Variants in RGS11 observed in about 807,000 individuals in gnomAD.
RGS11 encodes the protein regulator of G protein signaling 11.
RGS11 carries 86 observed loss-of-function variants against 71.1 expected under a neutral mutation model. That is an observed-to-expected ratio of 1.21 (90% CI 1.02 to 1.45). The LOEUF is 1.45. Ranked by LOEUF, RGS11 falls within the 40% of genes most tolerant of loss-of-function variation. The pLI, the probability that RGS11 is intolerant of heterozygous loss-of-function variation, is 0.00. For synonymous variants in RGS11, 298 were observed against 254.2 expected, an observed-to-expected ratio of 1.17 and a Z score of -1.64; for missense variants, 734 against 635.1, an observed-to-expected ratio of 1.16 and a Z score of -1.67.
At position 269,220 on chromosome 16, in the gene RGS11, C is replaced by T. The variant is rs116377490; in HGVS notation, c.*49G>A. The T allele has an allele frequency of 6.1e-3, 8,120 of 1,336,854 alleles. 107 individuals carry two copies. Among genetic ancestry groups the T allele is most frequent in the African/African-American group, 0.046 (3,161 of 68,956 alleles). The allele number at this position is 1,336,854 out of a possible 1,614,324, so 82.8% of individuals were successfully genotyped here. A position where few individuals can be genotyped will look rare whatever the true frequency, so the allele number is the denominator to read the frequency against. On this transcript the variant is annotated 3_prime_UTR_variant, in exon 17 of 17. Coordinates refer to ENST00000397770, the MANE Select transcript of RGS11 (RefSeq NM_183337.3). ...AAGACGGGGGTGGCTGCTGCATTCA[C>T]GCAGGACGTTGAGCTGCAGGGACTA...
intron 9 of RGS11, 31 bp downstream of exon 9, chr16:272,832 G>C: frequency 6.5e-7 from 1 of 1,539,734 alleles, no homozygotes; most frequent in East Asian, 2.4e-5. Flanking sequence ...TGCAGGGTGA[G>C]AGGGCGGCCA....
Position 274,282 on chromosome 16 carries a change from A to G in RGS11, c.319-17T>C. 1 of 1,606,514 alleles carries G rather than the reference A, an allele frequency of 6.2e-7. No homozygotes were observed. Among genetic ancestry groups the G allele is most frequent in the Non-Finnish European group, 8.5e-7 (1 of 1,176,918 alleles). On this transcript the variant is annotated splice_polypyrimidine_tract_variant and intron_variant, in intron 4 of 16. Coordinates refer to ENST00000397770, the MANE Select transcript of RGS11 (RefSeq NM_183337.3). ...GTACGGGGTCTGGCGTGGTGCAGGG[A>G]GAAGGTGTCCAGGACGCCTGCGTCT...
At chr16:271,491 G>T in intron 10 of RGS11, 31 bp from the exon 11 acceptor site, 1 of 1,613,966 alleles carries the variant, frequency 6.2e-7, no homozygotes, top group Non-Finnish European at 8.5e-7. Flanking sequence ...GTCAGGTCCC[G>T]GGCTGGGGAA....
chr16:270,723 T>G, intron 14 of RGS11, 21 bp downstream of exon 14: 1 of 1,611,230 alleles, frequency 6.2e-7, no homozygotes, highest in South Asian at 1.1e-5. Context: ...GGCCAACCGG[T>G]GCCCACCACG....
intron 1 of RGS11, 110 bp from the exon 2 acceptor site, chr16:275,608 G>A (rs971992468): frequency 7.1e-6 from 7 of 992,064 alleles, no homozygotes; most frequent in Admixed American, 5.7e-5. Context: ...GCGCGGCGGC[G>A]GCGGATTCCA....
chr16:273,220 C>A (rs1170122241), intron 8 of RGS11, among the ~76,000 whole-genome samples: 1 of 152,180 alleles, frequency 6.6e-6, no homozygotes, highest in African/African-American at 2.4e-5. Flanking sequence ...GCAGTCCCCG[C>A]AATCTGGCAT....
At chr16:269,752 G>T in intron 15 of RGS11, 167 bp from the exon 16 acceptor site, 1 of 589,652 alleles carries the variant, frequency 1.7e-6, no homozygotes, top group South Asian at 2.2e-5. Context: ...CAAGGCAGAC[G>T]CAGGGAGACC....
At chr16:274,010 C>T in intron 6 of RGS11, 33 bp downstream of exon 6, 1 of 1,537,722 alleles carries the variant, frequency 6.5e-7, no homozygotes, top group South Asian at 1.2e-5. Flanking sequence ...TCCAGCTGTA[C>T]CCAGCCGGGG....
Position 270,799 on chromosome 16 carries a change from C to G in RGS11, c.1012G>C (p.Glu338Gln), listed in dbSNP as rs1244150138. 16 of 1,612,350 alleles carry G rather than the reference C, an allele frequency of 9.9e-6. No individual in the cohort carries two copies. The highest frequency in any genetic ancestry group is 1.4e-5 in the Non-Finnish European group (16 of 1,179,888). ...TGGGCCTGCGCTCCATATCGAAGCTCCTCACATGCCTCCCAGAAGCTGAGG... is the reference window on the plus strand; with the variant it reads ...TGGGCCTGCGCTCCATATCGAAGCTGCTCACATGCCTCCCAGAAGCTGAGG... ...ENLSFWEACEELRYGAQAQVP... is the reference protein window; with the variant it reads ...ENLSFWEACEQLRYGAQAQVP... Residue 338 changes from glutamate to glutamine, a missense_variant, in exon 14 of 17, where the codon GAG (glutamate) becomes CAG (glutamine). Coordinates refer to ENST00000397770, the MANE Select transcript of RGS11 (RefSeq NM_183337.3).
chr16:275,765 C>G, intron 1 of RGS11, 84 bp downstream of exon 1: 1 of 261,508 alleles, frequency 3.8e-6, no homozygotes, highest in Non-Finnish European at 5.0e-6. Context: ...CCCCGCGCGC[C>G]CCCGTGTCCC....
Position 268,707 on chromosome 16 carries a change from A to G in RGS11, c.*562T>C. ...GGAACGCGTTTGGCGAGGGAGGAAT[A>G]GGCGCAGCTCCGGAAGGCAGTGACC... is the stretch of plus-strand genomic sequence containing the variant. On this transcript the variant is annotated 3_prime_UTR_variant, in exon 17 of 17. Transcript: ENST00000397770. 1.3e-6 allele frequency: 2 copies of G among 1,483,450 alleles called. No homozygotes were observed. Among genetic ancestry groups the G allele is most frequent in the Admixed American group, 2.0e-5 (1 of 50,572 alleles). The allele number at this position is 1,483,450 out of a possible 1,614,324, so 91.9% of individuals were successfully genotyped here. A position where few individuals can be genotyped will look rare whatever the true frequency, so the allele number is the denominator to read the frequency against.
Position 271,389 on chromosome 16 carries a change from C to T in RGS11, c.749+10G>A, listed in dbSNP as rs1186859540. ...AGGGGTCTCCAGCTGCCACCCCTCA[C>T]CCCACTCACGCCTCAAGGCAGACGG... On this transcript the variant is annotated intron_variant, in intron 11 of 16. Coordinates refer to ENST00000397770, the MANE Select transcript of RGS11 (RefSeq NM_183337.3). The T allele has an allele frequency of 1.9e-6, 3 of 1,613,564 alleles. No individual in the cohort carries two copies. The highest frequency in any genetic ancestry group is 2.2e-5 in the East Asian group (1 of 44,876).
chr16:275,339 CGGGA>C lies in RGS11; in HGVS notation c.161-10_161-7del. The C allele has an allele frequency of 1.2e-6, 2 of 1,612,268 alleles. No individual in the cohort carries two copies. The highest frequency in any genetic ancestry group is 2.2e-5 in the South Asian group (2 of 91,070). ...CCACTGCACGACGTCGCTGCCTGCA[CGGGA>C]GAGACAGAGGTGGAGGGAGGCCGAG... On this transcript the variant is annotated splice_polypyrimidine_tract_variant and splice_region_variant and intron_variant, in intron 2 of 16. Coordinates refer to ENST00000397770, the MANE Select transcript of RGS11 (RefSeq NM_183337.3).
intron 7 of RGS11, 85 bp downstream of exon 7, chr16:273,675 G>A: frequency 6.5e-7 from 1 of 1,528,548 alleles, no homozygotes; most frequent in Non-Finnish European, 9.0e-7. Flanking sequence ...CGGTCCCAGG[G>A]CCACCGGAGC....
At position 268,627 on chromosome 16, in the gene RGS11, AGGC is replaced by A; in HGVS notation, c.*639_*641del. 2 of 699,516 alleles carry A rather than the reference AGGC, an allele frequency of 2.9e-6. No homozygotes were observed. The highest frequency in any genetic ancestry group is 5.5e-5 in the East Asian group (2 of 36,610). 43.3% of individuals were successfully genotyped at this position (699,516 alleles called of 1,614,324 possible). ...CAGAGTTGTCTATAAATCGGGGGGG[AGGC>A]CGCGGCCTCGAGGTGGGAAAGCAGG... On this transcript the variant is annotated 3_prime_UTR_variant, in exon 17 of 17. Transcript: ENST00000397770.
intron 8 of RGS11, 63 bp downstream of exon 8, chr16:273,412 C>G: frequency 7.7e-7 from 1 of 1,305,020 alleles, no homozygotes; most frequent in Non-Finnish European, 1.1e-6. Context: ...GAGCGCCTGT[C>G]AGGGAAGCAC....
At chr16:270,858 A>T in intron 13 of RGS11, 27 bp from the exon 14 acceptor site, 1 of 1,604,946 alleles carries the variant, frequency 6.2e-7, no homozygotes, top group Admixed American at 1.7e-5. Flanking sequence ...CCAGTCAAGG[A>T]TCCCATCGAG....
rs575763571 is a variant in RGS11, at chr16:269,044, C to A, written c.*225G>T. On this transcript the variant is annotated 3_prime_UTR_variant, in exon 17 of 17. Coordinates refer to ENST00000397770, the MANE Select transcript of RGS11 (RefSeq NM_183337.3). ...CCCTGACCCAAGCTGAGCCAATGAA[C>A]CCCCTCCCTGGGAATCCACACCTGG... The A allele has an allele frequency of 1.4e-5, 16 of 1,175,262 alleles. No homozygotes were observed. The highest frequency in any genetic ancestry group is 1.0e-4 in the East Asian group (4 of 39,234). The allele number at this position is 1,175,262 out of a possible 1,614,324, so 72.8% of individuals were successfully genotyped here.
chr16:274,942 C>A, intron 4 of RGS11, 34 bp downstream of exon 4: 1 of 1,541,444 alleles, frequency 6.5e-7, no homozygotes. Context: ...GGGTGGGGGT[C>A]CCACCGGCTC....
Sources: gnomAD v4.1 joint callset for allele counts (sites outside exome capture counted in the v4.1 genomes callset) on GRCh38, gnomAD v4.1.1 for gene constraint, MANE v1.5 for transcripts, NCBI Gene and HGNC (gene_info 2026-07-23, HGNC 2026-07-21) for gene names.